UNC13C: variants seen among roughly 807,000 people sequenced by gnomAD.
UNC13C encodes the protein unc-13 homolog C.
A neutral mutation model predicts 245.4 loss-of-function variants in UNC13C; 174 were observed. That is an observed-to-expected ratio of 0.71 (90% CI 0.63 to 0.80). The LOEUF is 0.80. Ranked by LOEUF, UNC13C falls within the 30% of genes least tolerant of loss-of-function variation. The pLI is 0.00. For missense variants in UNC13C, 2,829 were observed against 2,602.9 expected, an observed-to-expected ratio of 1.09 and a Z score of -1.89; for synonymous variants, 992 against 895.1, an observed-to-expected ratio of 1.11 and a Z score of -1.93.
chr15:54,545,082 A>C (rs1896424846), intron 26 of UNC13C, among the ~76,000 whole-genome samples: 1 of 152,200 alleles, frequency 6.6e-6, no homozygotes, highest in South Asian at 2.1e-4. Context: ...ACAGCATGGT[A>C]CTGGTACCAG....
Position 54,184,793 on chromosome 15 carries a change from T to C in UNC13C, c.3071+41109T>C, listed in dbSNP as rs1464683971. ...TTTGGGTATATACCCAGTAATGGGA[T>C]GGCTGGGTCAAATGGTATTTCTAGT... On this transcript the variant is annotated intron_variant, in intron 4 of 32. Coordinates refer to ENST00000260323, the MANE Select transcript of UNC13C (RefSeq NM_001080534.3). Among the ~76,000 whole-genome samples the C allele has an allele frequency of 2.0e-5, 3 of 152,234 alleles. No homozygotes were observed. In the East Asian group the frequency reaches 5.8e-4, roughly 29 times the overall value.
chr15:54,167,947 T>C (rs760451253), intron 4 of UNC13C, among the ~76,000 whole-genome samples: 9 of 152,096 alleles, frequency 5.9e-5, no homozygotes, highest in Non-Finnish European at 1.2e-4. Context: ...TACCAAAATG[T>C]TAAAAACTAA....
At chr15:54,172,662 AAT>A (rs1181475073) in intron 4 of UNC13C, among the ~76,000 whole-genome samples, 1 of 137,126 alleles carries the variant, frequency 7.3e-6, no homozygotes, top group Non-Finnish European at 1.5e-5. Flanking sequence ...GATGAAGTCA[AAT>A]ATATATATTA....
rs201764176 is a variant in UNC13C, at chr15:54,627,136, C to T, written c.*23C>T. On this transcript the variant is annotated 3_prime_UTR_variant, in exon 33 of 33. Coordinates refer to ENST00000260323, the MANE Select transcript of UNC13C (RefSeq NM_001080534.3). ...TGAAACAAACACTGCAAGCTAAATA[C>T]ATAACTATAATTGTTTGACTACTGC... is the stretch of plus-strand genomic sequence containing the variant. 1.9e-6 allele frequency: 3 copies of T among 1,586,660 alleles called. No individual in the cohort carries two copies. Among genetic ancestry groups the T allele is most frequent in the Non-Finnish European group, 1.7e-6 (2 of 1,166,270 alleles).
intron 4 of UNC13C, among the ~76,000 whole-genome samples, chr15:54,233,888 G>A (rs79854059): frequency 6.6e-6 from 1 of 152,084 alleles, no homozygotes; most frequent in Non-Finnish European, 1.5e-5. Flanking sequence ...GGTCAGCAAG[G>A]GGTTTTGTAG....
At chr15:54,168,487 A>G (rs1478146198) in intron 4 of UNC13C, among the ~76,000 whole-genome samples, 1 of 152,202 alleles carries the variant, frequency 6.6e-6, no homozygotes, top group African/African-American at 2.4e-5. Flanking sequence ...TCTTTCTAAT[A>G]CAGATGCTCT....
intron 24 of UNC13C, among the ~76,000 whole-genome samples, chr15:54,524,995 G>A (rs190198614): frequency 2.0e-5 from 3 of 152,132 alleles, no homozygotes; most frequent in East Asian, 1.9e-4. Flanking sequence ...CAGGACTATC[G>A]TCTCCAGAAA....
chr15:54,250,273 T>A lies in UNC13C; in HGVS notation c.3277T>A (p.Ser1093Thr), dbSNP rs377284398. ...KTLQALIYPM[S>T]STIPHNFEVW... ...CTTGCAGGCACTGATCTACCCTATG[T>A]CTTCTACCATCCCACACAATTTTGA... Residue 1093 changes from serine (S) to threonine (T), a missense_variant, in exon 8 of 33, where the codon TCT becomes ACT. Coordinates refer to ENST00000260323, the MANE Select transcript of UNC13C (RefSeq NM_001080534.3). 2 of 1,613,820 alleles carry A rather than the reference T, an allele frequency of 1.2e-6. No homozygotes were observed. Among genetic ancestry groups the A allele is most frequent in the African/African-American group, 2.7e-5 (2 of 74,904 alleles).
intron 1 of UNC13C, among the ~76,000 whole-genome samples, chr15:53,997,414 C>T (rs1894684874): frequency 6.6e-6 from 1 of 152,062 alleles, no homozygotes; most frequent in Admixed American, 6.6e-5. Context: ...TGATGAATTC[C>T]AAGTTATCAA....
rs117054795 is a variant in UNC13C, at chr15:54,374,786, C to T, written c.4714-18262C>T. On this transcript the variant is annotated intron_variant, in intron 17 of 32. Coordinates refer to ENST00000260323, the MANE Select transcript of UNC13C (RefSeq NM_001080534.3). ...TCTGTGGAGCATGCAGTCCTGGCTGCGCCTCGCCGGCTGGCTGCAGCTGTC... is the reference window on the plus strand; with the variant it reads ...TCTGTGGAGCATGCAGTCCTGGCTGTGCCTCGCCGGCTGGCTGCAGCTGTC... 1.8e-3 allele frequency among the ~76,000 whole-genome samples: 277 copies of T among 152,310 alleles called. 1 individual carries two copies. Among genetic ancestry groups the T allele is most frequent in the Non-Finnish European group, 2.8e-3 (191 of 68,030 alleles).
chr15:54,516,802 A>AAAAAAAAC (rs1393682018), intron 24 of UNC13C, among the ~76,000 whole-genome samples: 3 of 151,512 alleles, frequency 2.0e-5, no homozygotes, highest in Non-Finnish European at 4.4e-5. Context: ...GCTGTCTCAA[A>AAAAAAAAC]AAAAAAAAAA....
At chr15:54,282,877 C>T (rs2037035974) in intron 10 of UNC13C, among the ~76,000 whole-genome samples, 1 of 152,120 alleles carries the variant, frequency 6.6e-6, no homozygotes, top group Non-Finnish European at 1.5e-5. Context: ...CATTGTCTCT[C>T]CCTCAAGGTC....
intron 19 of UNC13C, among the ~76,000 whole-genome samples, chr15:54,489,734 G>A (rs1369952745): frequency 6.6e-6 from 1 of 152,108 alleles, no homozygotes; most frequent in Non-Finnish European, 1.5e-5. Flanking sequence ...AAATACTGGG[G>A]TTCATGATGA....
chr15:54,192,908 A>G (rs941494806), intron 4 of UNC13C, among the ~76,000 whole-genome samples: 11 of 152,052 alleles, frequency 7.2e-5, no homozygotes, highest in Non-Finnish European at 1.5e-4. Flanking sequence ...CCACACACAC[A>G]CACACACACA....
intron 20 of UNC13C, among the ~76,000 whole-genome samples, chr15:54,496,939 C>T (rs897530608): frequency 6.6e-6 from 1 of 151,940 alleles, no homozygotes; most frequent in African/African-American, 2.4e-5. Flanking sequence ...TGTAACCAAA[C>T]ACCACGTGTT....
At chr15:54,299,224 G>A (rs2037512851) in intron 12 of UNC13C, among the ~76,000 whole-genome samples, 1 of 152,090 alleles carries the variant, frequency 6.6e-6, no homozygotes, top group South Asian at 2.1e-4. Context: ...GAACCAGAAA[G>A]AACTGAAATC....
chr15:54,383,958 G>T (rs892406682), intron 17 of UNC13C, among the ~76,000 whole-genome samples: 1 of 152,040 alleles, frequency 6.6e-6, no homozygotes, highest in African/African-American at 2.4e-5. Flanking sequence ...TCAAGGAAGA[G>T]AAAGACCTCT....
the UNC13C span, among the ~76,000 whole-genome samples, chr15:53,959,463 C>G: frequency 6.6e-6 from 1 of 152,016 alleles, no homozygotes; most frequent in Non-Finnish European, 1.5e-5. Context: ...CTTATGGTTT[C>G]TTTTTGATAA....
chr15:54,315,765 C>A (rs931597536), intron 13 of UNC13C, among the ~76,000 whole-genome samples: 2 of 151,680 alleles, frequency 1.3e-5, no homozygotes, highest in African/African-American at 4.8e-5. Context: ...TTTTTAGTTC[C>A]CAGCTCACTT....
Sources: gnomAD v4.1 joint callset for allele counts (sites outside exome capture counted in the v4.1 genomes callset) on GRCh38, gnomAD v4.1.1 for gene constraint, MANE v1.5 for transcripts, NCBI Gene and HGNC (gene_info 2026-07-23, HGNC 2026-07-21) for gene names.